The following STXBP5L variants were observed in gnomAD, a reference collection of about 807,000 sequenced individuals.
The protein encoded by STXBP5L is syntaxin-binding protein 5-like.
Under a neutral mutation model 144.5 loss-of-function variants are expected in STXBP5L, and 65 were observed. The observed-to-expected ratio is 0.45, with a 90% CI of 0.37 to 0.55. STXBP5L has a LOEUF of 0.55. STXBP5L is among the 20% of genes least tolerant of loss of function. The pLI, the probability that STXBP5L is intolerant of heterozygous loss-of-function variation, is 0.00. For synonymous variants in STXBP5L, 505 were observed against 469.6 expected (o/e 1.08, Z -0.97); for missense variants, 1,298 against 1,405.5 (o/e 0.92, Z 1.22).
chr3:121,326,473 A>G (rs1286143333), intron 20 of STXBP5L, among the ~76,000 whole-genome samples: 1 of 152,100 alleles, frequency 6.6e-6, no homozygotes, highest in Non-Finnish European at 1.5e-5. Flanking sequence ...CAGCTAATTA[A>G]TCAGTAAATA....
intron 5 of STXBP5L, among the ~76,000 whole-genome samples, chr3:121,063,471 G>T (rs1194205506): frequency 6.6e-6 from 1 of 152,180 alleles, no homozygotes; most frequent in African/African-American, 2.4e-5. Flanking sequence ...GGAGTTATGG[G>T]GGTTAGGTAC....
intron 20 of STXBP5L, among the ~76,000 whole-genome samples, chr3:121,321,662 C>T (rs2043974966): frequency 6.6e-6 from 1 of 152,172 alleles, no homozygotes; most frequent in Non-Finnish European, 1.5e-5. Flanking sequence ...CCCTATGAAA[C>T]ATTTTAAAAA....
chr3:121,075,069 G>A (rs12634158), intron 5 of STXBP5L, among the ~76,000 whole-genome samples: 15,102 of 152,074 alleles, frequency 0.099, 1,174 homozygotes, highest in Admixed American at 0.2. Flanking sequence ...GCCTAATGAA[G>A]TGGAACCCAG....
intron 3 of STXBP5L, among the ~76,000 whole-genome samples, chr3:121,024,223 A>G (rs949404554): frequency 6.6e-6 from 1 of 152,178 alleles, no homozygotes. Context: ...AAACTCAACA[A>G]TAAGAAAACA....
At chr3:121,261,605 A>T (rs193202000) in intron 18 of STXBP5L, among the ~76,000 whole-genome samples, 2 of 152,332 alleles carry the variant, frequency 1.3e-5, no homozygotes, top group African/African-American at 4.8e-5. Context: ...AAAGTTTTTA[A>T]ACATTTTAAA....
chr3:121,346,932 G>T (rs2045015652), intron 20 of STXBP5L, among the ~76,000 whole-genome samples: 1 of 151,980 alleles, frequency 6.6e-6, no homozygotes, highest in African/African-American at 2.4e-5. Flanking sequence ...GGTTTCTTTT[G>T]CTGTGCAGAA....
chr3:121,350,758 C>T (rs2045245688), intron 20 of STXBP5L, among the ~76,000 whole-genome samples: 1 of 152,122 alleles, frequency 6.6e-6, no homozygotes, highest in Admixed American at 6.6e-5. Flanking sequence ...GAATCAGCTA[C>T]TGAGGCTTGT....
intron 19 of STXBP5L, among the ~76,000 whole-genome samples, chr3:121,309,188 C>G (rs1263071903): frequency 1.3e-5 from 2 of 151,756 alleles, no homozygotes; most frequent in African/African-American, 2.4e-5. Flanking sequence ...ATTAAACAAT[C>G]CAATCAAAAG....
chr3:121,348,914 G>A (rs1298096517), intron 20 of STXBP5L, among the ~76,000 whole-genome samples: 1 of 151,920 alleles, frequency 6.6e-6, no homozygotes, highest in African/African-American at 2.4e-5. Context: ...ACCAACTCCT[G>A]GATTCATTGA....
At chr3:121,016,205 A>T (rs1945137310) in intron 3 of STXBP5L, among the ~76,000 whole-genome samples, 2 of 152,232 alleles carry the variant, frequency 1.3e-5, no homozygotes, top group Admixed American at 1.3e-4. Flanking sequence ...ATTACAAGGC[A>T]TTCCAAAGAC....
At chr3:120,952,975 T>C (rs1559903647) in intron 2 of STXBP5L, among the ~76,000 whole-genome samples, 1 of 151,280 alleles carries the variant, frequency 6.6e-6, no homozygotes, top group African/African-American at 2.4e-5. Context: ...ATTTTTTTTT[T>C]TCTTAATAGA....
chr3:121,174,390 TTGTC>T (rs2046850481), intron 9 of STXBP5L, among the ~76,000 whole-genome samples: 2 of 152,124 alleles, frequency 1.3e-5, no homozygotes, highest in Admixed American at 1.3e-4. Flanking sequence ...CTAAAGCTGT[TTGTC>T]TGCCTGTTTT....
rs971037729 is a variant in STXBP5L, at chr3:120,981,410, T to C, written c.287+26373T>C. ...TTTTTATTCTTTAATTTTTTTTGTC[T>C]AACTGGGTTAATTAAAAAGCTCTGT... On this transcript the variant is annotated intron_variant, in intron 3 of 26. Transcript: ENST00000471454. Among the ~76,000 whole-genome samples, 8 of 152,266 alleles carry C rather than the reference T, an allele frequency of 5.3e-5. No homozygotes were observed. The East Asian group carries it at 5.8e-4, about 11-fold the overall frequency.
At chr3:121,078,741 C>A (rs939607092) in intron 5 of STXBP5L, among the ~76,000 whole-genome samples, 2 of 152,254 alleles carry the variant, frequency 1.3e-5, no homozygotes, top group East Asian at 1.9e-4. Flanking sequence ...AAGTGCAATG[C>A]CAGTGGGCCA....
chr3:121,260,132 G>A (rs2050337437), intron 18 of STXBP5L, among the ~76,000 whole-genome samples: 1 of 151,930 alleles, frequency 6.6e-6, no homozygotes. Context: ...TTCCATCCTG[G>A]TCAGTTTGTT....
At chr3:120,956,915 G>T (rs2107711643) in intron 3 of STXBP5L, among the ~76,000 whole-genome samples, 1 of 151,992 alleles carries the variant, frequency 6.6e-6, no homozygotes, top group South Asian at 2.1e-4. Context: ...CCAATGGAAT[G>T]AAGCTTTTAC....
intron 5 of STXBP5L, among the ~76,000 whole-genome samples, chr3:121,064,889 G>C (rs1157649989): frequency 1.3e-5 from 2 of 152,146 alleles, no homozygotes; most frequent in Admixed American, 6.6e-5. Context: ...CTAGTATGTA[G>C]TTTGCCTTCC....
intron 3 of STXBP5L, among the ~76,000 whole-genome samples, chr3:120,984,298 T>C (rs747085292): frequency 1.6e-4 from 24 of 152,242 alleles, no homozygotes; most frequent in Admixed American, 3.3e-4. Flanking sequence ...CTCTTGATTT[T>C]ATGGACGCAG....
At chr3:121,269,719 G>GT (rs938097499) in intron 18 of STXBP5L, among the ~76,000 whole-genome samples, 4 of 152,154 alleles carry the variant, frequency 2.6e-5, no homozygotes, top group South Asian at 2.1e-4. Flanking sequence ...AAGAAGAGAG[G>GT]TTTTTTATCT....
Sources: allele counts gnomAD v4.1 joint callset (sites outside exome capture counted in the v4.1 genomes callset), GRCh38; gene constraint gnomAD v4.1.1; transcripts MANE v1.5; gene names NCBI Gene and HGNC (gene_info 2026-07-23, HGNC 2026-07-21).